The following PKLR variants were observed in gnomAD, a reference collection of about 807,000 sequenced individuals.
PKLR encodes pyruvate kinase L/R.
A neutral mutation model predicts 53.6 loss-of-function variants in PKLR; 38 were observed. That is an observed-to-expected ratio of 0.71 (90% confidence interval 0.55 to 0.93). The LOEUF (loss-of-function observed/expected upper bound fraction) is 0.93. PKLR is among the 40% of genes least tolerant of loss of function. The pLI, the probability that PKLR is intolerant of heterozygous loss-of-function variation, is 0.00. For synonymous variants in PKLR, 328 were observed against 316.2 expected, an observed-to-expected ratio of 1.04 and a Z score of -0.39; for missense variants, 702 against 787.3, an observed-to-expected ratio of 0.89 and a Z score of 1.30.
At position 155,295,839 on chromosome 1, in the gene PKLR, C is replaced by G. The variant is rs900644337; in HGVS notation, c.284-83G>C. ...ACCCAACCCATTACCATTCTCAGAACGCCTCACGCCACAGGCGTCCTGTTA... is the reference window on the plus strand; with the variant it reads ...ACCCAACCCATTACCATTCTCAGAAGGCCTCACGCCACAGGCGTCCTGTTA... On this transcript the variant is annotated intron_variant, in intron 2 of 10. Coordinates refer to ENST00000342741, the MANE Select transcript of PKLR (RefSeq NM_000298.6). The surrounding 1 kb of genome is among the most constrained non-coding windows in gnomAD (Gnocchi z 4.3). 10 of 1,168,446 alleles carry G rather than the reference C, an allele frequency of 8.6e-6. No homozygotes were observed. The highest frequency in any genetic ancestry group is 4.9e-5 in the South Asian group (4 of 81,580). 72.4% of individuals were successfully genotyped at this position (1,168,446 alleles called of 1,614,324 possible).
chr1:155,306,433 T>A (rs1648236353), upstream of PKLR, among the ~76,000 whole-genome samples: 1 of 151,908 alleles, frequency 6.6e-6, no homozygotes, highest in South Asian at 2.1e-4. The surrounding 1 kb of genome is among the most constrained non-coding windows in gnomAD (Gnocchi z 4.2). Flanking sequence ...CTGCTCAGTG[T>A]GGGGATGGAG....
chr1:155,306,499 T>G, the PKLR span, among the ~76,000 whole-genome samples: 4 of 152,172 alleles, frequency 2.6e-5, no homozygotes, highest in Admixed American at 1.3e-4. This position sits in a 1 kb window ranked among gnomAD's most constrained non-coding sequence, Gnocchi z 4.2. Flanking sequence ...CTGACAGAAC[T>G]GTGCTCAGCA....
the PKLR span, among the ~76,000 whole-genome samples, chr1:155,308,195 G>A: frequency 2.0e-5 from 3 of 151,722 alleles, no homozygotes; most frequent in Non-Finnish European, 4.4e-5. Context: ...CTGAGTGGCT[G>A]GGATTACAGG....
rs1647430152 is a variant in PKLR, at chr1:155,294,490, G to A, written c.957C>T (p.Gly319=). The change falls in exon 6 of 11, where the codon GGC becomes GGT. Residue 319 remains glycine (G), a synonymous_variant. Transcript: ENST00000342741. ...CAGAGCCCAAGCCTCACCTCTTCACGCCTTCGTGGTTCTCAATTTTGCTGA... is the reference window on the plus strand; with the variant it reads ...CAGAGCCCAAGCCTCACCTCTTCACACCTTCGTGGTTCTCAATTTTGCTGA... ...KIISKIENHE[G]VKRFDEILEV... is the part of the protein sequence containing the mutation. The A allele has an allele frequency of 1.2e-6, 2 of 1,614,238 alleles. No homozygotes were observed. The highest frequency in any genetic ancestry group is 8.5e-7 in the Non-Finnish European group (1 of 1,180,036).
intron 1 of PKLR, chr1:155,300,943 G>A: frequency 6.3e-7 from 1 of 1,593,896 alleles, no homozygotes; most frequent in South Asian, 1.1e-5. Context: ...ACACTGTTGG[G>A]TTGTCAGAGG....
chr1:155,295,846 C>G lies in PKLR; in HGVS notation c.284-90G>C, dbSNP rs538257138. The G allele has an allele frequency of 3.7e-4, 388 of 1,054,872 alleles. 1 individual carries two copies. The African/African-American group carries it at 5.4e-3, about 15-fold the overall frequency. The allele number at this position is 1,054,872 out of a possible 1,614,324, so 65.3% of individuals were successfully genotyped here. A position where few individuals can be genotyped will look rare whatever the true frequency, so the allele number is the denominator to read the frequency against. On this transcript the variant is annotated intron_variant, in intron 2 of 10. Transcript: ENST00000342741. This position sits in a 1 kb window ranked among gnomAD's most constrained non-coding sequence, Gnocchi z 4.3. ...CCATTACCATTCTCAGAACGCCTCACGCCACAGGCGTCCTGTTACCTGATC... is the reference window on the plus strand; with the variant it reads ...CCATTACCATTCTCAGAACGCCTCAGGCCACAGGCGTCCTGTTACCTGATC...
upstream of PKLR, among the ~76,000 whole-genome samples, chr1:155,305,285 A>T (rs1648202242): frequency 6.6e-6 from 1 of 152,176 alleles, no homozygotes; most frequent in African/African-American, 2.4e-5. Flanking sequence ...CACTTGTCTG[A>T]TGCAAAAAGT....
chr1:155,300,628 T>G (rs1331338531), intron 1 of PKLR, among the ~76,000 whole-genome samples: 1 of 152,046 alleles, frequency 6.6e-6, no homozygotes, highest in Admixed American at 6.6e-5. Context: ...CCCCCCGACC[T>G]GCAGCTACTG....
chr1:155,301,500 C>T, upstream of PKLR: 1 of 1,466,100 alleles, frequency 6.8e-7, no homozygotes, highest in Non-Finnish European at 9.5e-7. Flanking sequence ...AAGGGGCACA[C>T]CCAGTAGGCC....
At chr1:155,307,084 T>A in the PKLR span, among the ~76,000 whole-genome samples, 1 of 152,158 alleles carries the variant, frequency 6.6e-6, no homozygotes, top group Non-Finnish European at 1.5e-5. Flanking sequence ...TGGGCTAATT[T>A]TGGATTTTTT....
intron 9 of PKLR, 77 bp from the exon 10 acceptor site, chr1:155,292,014 C>T: frequency 7.2e-7 from 1 of 1,381,516 alleles, no homozygotes; most frequent in Non-Finnish European, 1.0e-6. Context: ...TGTTCCAGTT[C>T]CAGGTGTCAC....
chr1:155,298,987 TTTC>T, intron 2 of PKLR, among the ~76,000 whole-genome samples: 1 of 92,744 alleles, frequency 1.1e-5, no homozygotes, highest in African/African-American at 6.1e-5. Flanking sequence ...TCTTTCTTTC[TTTC>T]TTTCTTTCTT....
At chr1:155,307,801 A>AC in the PKLR span, among the ~76,000 whole-genome samples, 1 of 151,914 alleles carries the variant, frequency 6.6e-6, no homozygotes, top group South Asian at 2.1e-4. Flanking sequence ...ATCTGGAGAA[A>AC]CCCCCTCTCT....
intron 1 of PKLR, chr1:155,301,043 G>T (rs1194304847): frequency 2.6e-6 from 4 of 1,543,930 alleles, no homozygotes; most frequent in Middle Eastern, 1.7e-4. Context: ...CTGTATGCCA[G>T]GGGCCAGAGT....
upstream of PKLR, among the ~76,000 whole-genome samples, chr1:155,304,383 G>A (rs534457985): frequency 5.5e-5 from 8 of 145,190 alleles, no homozygotes; most frequent in East Asian, 1.2e-3. Context: ...GCAGTGAGCC[G>A]AGATCATGCC....
In PKLR at chr1:155,301,397, C is replaced by G. The variant is rs201169481; in HGVS notation, c.-2G>C. On this transcript the variant is annotated 5_prime_UTR_variant, in exon 1 of 11. Transcript: ENST00000342741. ...TGATATGTTCTCCTGGATCGACATG[C>G]TTTCAGTGTGGGCCTGGGGCTGCGG... 5.0e-6 allele frequency: 8 copies of G among 1,613,910 alleles called. No individual in the cohort carries two copies. In the East Asian group the frequency reaches 1.6e-4, roughly 31 times the overall value.
Position 155,295,664 on chromosome 1 carries a change from C to T in PKLR, c.375+1G>A. 1 of 1,614,072 alleles carries T rather than the reference C, an allele frequency of 6.2e-7. No individual in the cohort carries two copies. Among genetic ancestry groups the T allele is most frequent in the Non-Finnish European group, 8.5e-7 (1 of 1,179,956 alleles). On this transcript the variant is annotated splice_donor_variant, in intron 3 of 10. Transcript: ENST00000342741. LOFTEE classifies it high-confidence loss of function. The surrounding 1 kb of genome is among the most constrained non-coding windows in gnomAD (Gnocchi z 4.3). ...CCACTGCCCGGCGGCCCGTCCCGCA[C>T]CTCGTGGGAGCCGTGGGAGAAGTTG...
chr1:155,292,700 G>A (rs1174844865), intron 9 of PKLR, among the ~76,000 whole-genome samples: 1 of 152,092 alleles, frequency 6.6e-6, no homozygotes, highest in Non-Finnish European at 1.5e-5. Flanking sequence ...TTTTGAGAAA[G>A]TCCATTATGT....
In PKLR at chr1:155,291,862, G is replaced by T. The variant is rs761558916; in HGVS notation, c.1512C>A (p.Arg504=). 17 of 1,614,094 alleles carry T rather than the reference G, an allele frequency of 1.1e-5. No individual in the cohort carries two copies. Among genetic ancestry groups the T allele is most frequent in the Non-Finnish European group, 1.4e-5 (17 of 1,179,988 alleles). ...IAVTRSAQAA[R]QVHLCRGVFP... is the part of the protein sequence containing the mutation. The stretch of plus-strand genomic sequence containing the variant: ...AGACTCCTCGGCATAAGTGGACCTG[G>T]CGGGCAGCCTGGGCAGAGCGGGTGA... The change falls in exon 10 of 11, where the codon CGC becomes CGA. Residue 504 remains arginine (R), a synonymous_variant. Coordinates refer to ENST00000342741, the MANE Select transcript of PKLR (RefSeq NM_000298.6).
Sources: gnomAD v4.1 joint callset for allele counts (sites outside exome capture counted in the v4.1 genomes callset) on GRCh38, gnomAD v4.1.1 for gene constraint, Gnocchi (gnomAD v3.1) non-coding constraint, MANE v1.5 for transcripts, NCBI Gene and HGNC (gene_info 2026-07-23, HGNC 2026-07-21) for gene names.